The following LTBP1 variants were observed in gnomAD, a reference collection of about 807,000 sequenced individuals.
LTBP1 encodes the protein latent transforming growth factor beta binding protein 1.
In LTBP1, 129 loss-of-function variants were observed where a neutral mutation model predicts 207.6. That is an observed-to-expected ratio of 0.62 (90% CI 0.54 to 0.72). The LOEUF is 0.72. Ranked by LOEUF, LTBP1 falls within the 30% of genes least tolerant of loss-of-function variation. The probability of loss-of-function intolerance (pLI) is 0.00; values close to 1 mark genes in which losing one functional copy is unlikely to be tolerated. For synonymous variants in LTBP1, 963 were observed against 833.7 expected (o/e 1.16, Z -2.67); for missense variants, 2,281 against 2,217.2 (o/e 1.03, Z -0.58).
intron 4 of LTBP1, among the ~76,000 whole-genome samples, chr2:33,115,097 C>T (rs894338164): frequency 2.6e-5 from 3 of 114,448 alleles, no homozygotes; most frequent in African/African-American, 9.8e-5. Context: ...TATATACACA[C>T]ATATATGTAC....
In LTBP1 at chr2:33,164,469, ATTATTTTC is replaced by A. The variant is rs1192990195; in HGVS notation, c.1202-22383_1202-22376del. On this transcript the variant is annotated intron_variant, in intron 5 of 33. Transcript: ENST00000404816. ...AGAGCATTAATGATATTGGGTATAT[ATTATTTTC>A]TTAAGATGTGTTTAGGATGTGGGCC... Among the ~76,000 whole-genome samples the A allele has an allele frequency of 8.0e-5, 12 of 150,814 alleles. No homozygotes were observed. The East Asian group carries it at 2.4e-3, about 30-fold the overall frequency.
intron 22 of LTBP1, among the ~76,000 whole-genome samples, chr2:33,307,663 T>A (rs1389872053): frequency 6.6e-6 from 1 of 152,204 alleles, no homozygotes; most frequent in Non-Finnish European, 1.5e-5. Context: ...ATCAATTTAT[T>A]TTATGTACAT....
chr2:33,372,580 T>C (rs2150229181), intron 31 of LTBP1, among the ~76,000 whole-genome samples: 1 of 152,300 alleles, frequency 6.6e-6, no homozygotes, highest in African/African-American at 2.4e-5. Flanking sequence ...CTCTTAAAAG[T>C]ATAAGCTTAA....
chr2:33,236,178 C>A (rs2092039371), intron 9 of LTBP1, among the ~76,000 whole-genome samples: 1 of 152,174 alleles, frequency 6.6e-6, no homozygotes, highest in African/African-American at 2.4e-5. Context: ...CTTCAAAACA[C>A]TTAGAAATGT....
chr2:33,301,418 T>C, intron 21 of LTBP1, 104 bp from the exon 22 acceptor site: 7 of 1,329,648 alleles, frequency 5.3e-6, no homozygotes, highest in Non-Finnish European at 5.1e-6. Context: ...TCATTACTTG[T>C]ATCAACATTG....
At chr2:33,369,334 T>G (rs187823570) in intron 31 of LTBP1, among the ~76,000 whole-genome samples, 103 of 152,328 alleles carry the variant, frequency 6.8e-4, no homozygotes, top group African/African-American at 2.4e-3. Flanking sequence ...ATCCGTTACT[T>G]TTTAAAAAAC....
Position 33,081,055 on chromosome 2 carries a change from A to C in LTBP1, c.864-29527A>C, listed in dbSNP as rs568228175. Among the ~76,000 whole-genome samples, 17 of 152,340 alleles carry C rather than the reference A, an allele frequency of 1.1e-4. No homozygotes were observed. In the East Asian group the frequency reaches 3.3e-3, roughly 29 times the overall value. The stretch of plus-strand genomic sequence containing the variant: ...TATTTTATGCTTAGATTAGATGAAG[A>C]GTGAACTTTTGTGTGGAAGTATGAT... On this transcript the variant is annotated intron_variant, in intron 3 of 33. Transcript: ENST00000404816.
At chr2:33,223,698 G>A (rs1360217918) in intron 9 of LTBP1, among the ~76,000 whole-genome samples, 1 of 152,168 alleles carries the variant, frequency 6.6e-6, no homozygotes, top group Non-Finnish European at 1.5e-5. Flanking sequence ...AATGAACAGG[G>A]CAGTGGAAGT....
At chr2:33,377,968 C>G (rs1424641570) in intron 31 of LTBP1, among the ~76,000 whole-genome samples, 2 of 152,086 alleles carry the variant, frequency 1.3e-5, no homozygotes, top group African/African-American at 4.8e-5. Context: ...CCCACCAGGT[C>G]GGGATTACAA....
chr2:33,391,598 A>G (rs1440808776), intron 32 of LTBP1, among the ~76,000 whole-genome samples: 2 of 152,104 alleles, frequency 1.3e-5, no homozygotes, highest in Non-Finnish European at 2.9e-5. Context: ...TCTTAGATGT[A>G]AGCAAGAGCC....
chr2:33,070,704 A>G (rs867021641), intron 3 of LTBP1, among the ~76,000 whole-genome samples: 6 of 152,032 alleles, frequency 3.9e-5, no homozygotes, highest in African/African-American at 1.4e-4. Context: ...TTTCCTTCTA[A>G]TTTGTAGATC....
intron 15 of LTBP1, 125 bp downstream of exon 15, chr2:33,263,517 G>A: frequency 1.6e-6 from 1 of 614,846 alleles, no homozygotes; most frequent in African/African-American, 1.8e-5. Context: ...CAAATATTTG[G>A]AAATCATCTA....
intron 7 of LTBP1, among the ~76,000 whole-genome samples, chr2:33,207,480 T>TA (rs2089971024): frequency 6.6e-6 from 1 of 151,970 alleles, no homozygotes; most frequent in Admixed American, 6.6e-5. Flanking sequence ...TTAATTACTC[T>TA]AATAAAAGAA....
intron 5 of LTBP1, among the ~76,000 whole-genome samples, chr2:33,147,873 A>G (rs946760312): frequency 1.3e-5 from 2 of 152,168 alleles, no homozygotes; most frequent in African/African-American, 4.8e-5. Flanking sequence ...ATTCCAAGGG[A>G]TATGTGTCAA....
Position 33,233,201 on chromosome 2 carries a change from T to TA in LTBP1, c.1877-10455dup, listed in dbSNP as rs543899884. On this transcript the variant is annotated intron_variant, in intron 9 of 33. Transcript: ENST00000404816. ...GTTGGAGTGTGTTTTTCATGGCTCT[T>TA]AAAAAATCTTTTGTCTTTTTATTCT... 3.0e-4 allele frequency among the ~76,000 whole-genome samples: 46 copies of TA among 152,292 alleles called. No individual in the cohort carries two copies. In the South Asian group the frequency reaches 9.5e-3, roughly 32 times the overall value.
chr2:33,255,713 T>G (rs926569538), intron 11 of LTBP1, among the ~76,000 whole-genome samples: 5 of 152,198 alleles, frequency 3.3e-5, no homozygotes, highest in Admixed American at 6.5e-5. Flanking sequence ...GGTTCTACCA[T>G]TTAGTGTGTG....
intron 5 of LTBP1, among the ~76,000 whole-genome samples, chr2:33,171,372 A>G (rs2085430100): frequency 2.0e-5 from 3 of 147,506 alleles, no homozygotes; most frequent in Non-Finnish European, 3.0e-5. Flanking sequence ...CAGAAGCCTC[A>G]GGAGCCGATG....
At chr2:33,114,202 C>G (rs2080593980) in intron 4 of LTBP1, among the ~76,000 whole-genome samples, 1 of 152,122 alleles carries the variant, frequency 6.6e-6, no homozygotes, top group Non-Finnish European at 1.5e-5. Context: ...ATTTGTTGGC[C>G]TTAAAAGAAT....
intron 7 of LTBP1, among the ~76,000 whole-genome samples, chr2:33,214,683 A>G (rs1387397865): frequency 6.6e-6 from 1 of 152,090 alleles, no homozygotes; most frequent in Admixed American, 6.5e-5. Flanking sequence ...CTGGCACACA[A>G]CGTCACTCAT....
Sources: allele counts gnomAD v4.1 joint callset (sites outside exome capture counted in the v4.1 genomes callset), GRCh38; gene constraint gnomAD v4.1.1; transcripts MANE v1.5; gene names NCBI Gene and HGNC (gene_info 2026-07-23, HGNC 2026-07-21).